Variants in VPS13B observed in about 807,000 individuals in gnomAD.
VPS13B encodes the protein intermembrane lipid transfer protein VPS13B.
VPS13B carries 285 observed loss-of-function variants against 426.4 expected under a neutral mutation model. The observed-to-expected ratio is 0.67, with a 90% CI of 0.61 to 0.74. VPS13B has a LOEUF of 0.74. VPS13B is among the 30% of genes least tolerant of loss of function. The pLI is 0.00. For synonymous variants in VPS13B, 1,676 were observed against 1,676.4 expected, an observed-to-expected ratio of 1.00 and a Z score of 0.01; for missense variants, 4,537 against 4,782.6, an observed-to-expected ratio of 0.95 and a Z score of 1.51.
chr8:99,497,287 TAAA>T (rs1050445532), intron 25 of VPS13B, among the ~76,000 whole-genome samples: 1 of 144,368 alleles, frequency 6.9e-6, no homozygotes, highest in Admixed American at 7.1e-5. Context: ...TATATATACA[TAAA>T]AATGCATATA....
chr8:99,393,956 A>G (rs569849373), intron 21 of VPS13B, among the ~76,000 whole-genome samples: 6 of 152,250 alleles, frequency 3.9e-5, no homozygotes, highest in Admixed American at 3.9e-4. Context: ...GTTATCAATC[A>G]CTGTTTTAAT....
rs1386338109 is a variant in VPS13B at position 99,823,856 on chromosome 8, A to G, written c.9208A>G (p.Met3070Val). 3 of 1,613,696 alleles carry G rather than the reference A, an allele frequency of 1.9e-6. No individual in the cohort carries two copies. The highest frequency in any genetic ancestry group is 1.7e-4 in the Middle Eastern group (1 of 6,028). The change falls in exon 51 of 62, where the codon ATG (methionine) becomes GTG (valine). Residue 3070 changes from methionine to valine, a missense_variant. Transcript: ENST00000357162. ...QKLCQFCISSMVQQGIQIIQI... is the reference protein window; with the variant it reads ...QKLCQFCISSVVQQGIQIIQI... ...GTTATGTCAGTTCTGCATTTCCTCC[A>G]TGGTACAGCAAGGTATACAAATTAT...
At chr8:99,044,871 C>T (rs1843144722) in intron 3 of VPS13B, among the ~76,000 whole-genome samples, 1 of 149,998 alleles carries the variant, frequency 6.7e-6, no homozygotes, top group Admixed American at 6.6e-5. Context: ...CACACACACA[C>T]ACACACACAC....
chr8:99,684,092 T>A (rs1330022457), intron 35 of VPS13B, among the ~76,000 whole-genome samples: 1 of 152,242 alleles, frequency 6.6e-6, no homozygotes, highest in African/African-American at 2.4e-5. Flanking sequence ...GTATCTTTGT[T>A]ATTGTTGTAA....
intron 3 of VPS13B, among the ~76,000 whole-genome samples, chr8:99,063,259 GGCGGGGCGTCGCCTCAC>G (rs1844293666): frequency 6.6e-6 from 1 of 152,240 alleles, no homozygotes; most frequent in Non-Finnish European, 1.5e-5. Context: ...GCCGAAGCAG[GGCGGGGCGTCGCCTCAC>G]CCGGGAAGTG....
chr8:99,136,600 CA>C (rs760491882), intron 11 of VPS13B, 64 bp from the exon 12 acceptor site: 26 of 1,519,120 alleles, frequency 1.7e-5, no homozygotes, highest in Non-Finnish European at 2.4e-5. Flanking sequence ...TCTAACCTAT[CA>C]AGCTTTAAAC....
rs1296839691 is a variant in VPS13B, at chr8:99,835,430, A to T, written c.9742+106A>T. ...TCCTGTGAAAAAAATATTTAAATAA[A>T]AGCATTAATGATCTCTTTTTGAGAA... On this transcript the variant is annotated intron_variant, in intron 53 of 61. Transcript: ENST00000357162. The T allele has an allele frequency of 2.0e-6, 3 of 1,497,190 alleles. No homozygotes were observed. The African/African-American group carries it at 4.2e-5, about 21-fold the overall frequency. 92.7% of individuals were successfully genotyped at this position (1,497,190 alleles called of 1,614,324 possible).
intron 19 of VPS13B, among the ~76,000 whole-genome samples, chr8:99,288,042 A>C (rs1819539291): frequency 6.6e-6 from 1 of 152,076 alleles, no homozygotes; most frequent in Non-Finnish European, 1.5e-5. Flanking sequence ...CTTATTTATG[A>C]TAATCACAAA....
intron 56 of VPS13B, among the ~76,000 whole-genome samples, chr8:99,856,174 A>G (rs1337340742): frequency 1.3e-5 from 2 of 152,214 alleles, no homozygotes; most frequent in Non-Finnish European, 2.9e-5. Context: ...AGAACATTCT[A>G]TTTGAATTTT....
intron 25 of VPS13B, among the ~76,000 whole-genome samples, chr8:99,490,522 A>G (rs997593534): frequency 1.3e-5 from 2 of 152,118 alleles, no homozygotes; most frequent in African/African-American, 2.4e-5. Flanking sequence ...CTGTGTATCC[A>G]TCTGGTCCTG....
chr8:99,475,617 T>C (rs898973193), intron 24 of VPS13B, among the ~76,000 whole-genome samples: 5 of 152,254 alleles, frequency 3.3e-5, no homozygotes, highest in African/African-American at 7.2e-5. Flanking sequence ...ATTCTCTAGC[T>C]ATCCACATTG....
intron 34 of VPS13B, among the ~76,000 whole-genome samples, chr8:99,656,158 C>T (rs1033084677): frequency 3.3e-5 from 5 of 152,106 alleles, no homozygotes; most frequent in Admixed American, 6.5e-5. Context: ...GAGACCTGGT[C>T]AACCCAGAAG....
At chr8:99,506,319 T>A (rs1026198148) in intron 27 of VPS13B, among the ~76,000 whole-genome samples, 113 of 152,324 alleles carry the variant, frequency 7.4e-4, no homozygotes, top group African/African-American at 2.6e-3. Context: ...AACTCTTTAG[T>A]TCCTTTGAAA....
chr8:99,415,707 A>G (rs1013550156), intron 21 of VPS13B, among the ~76,000 whole-genome samples: 4 of 152,018 alleles, frequency 2.6e-5, no homozygotes, highest in Admixed American at 2.6e-4. Context: ...CTGGAGGTTC[A>G]CTCCAGAACC....
intron 31 of VPS13B, among the ~76,000 whole-genome samples, chr8:99,557,698 T>C (rs1420002117): frequency 1.3e-5 from 2 of 152,186 alleles, no homozygotes; most frequent in African/African-American, 2.4e-5. Context: ...GTTCTACTTT[T>C]AGTTCTTTAA....
chr8:99,355,238 T>A (rs1360774440), intron 19 of VPS13B, among the ~76,000 whole-genome samples: 1 of 152,158 alleles, frequency 6.6e-6, no homozygotes, highest in African/African-American at 2.4e-5. Flanking sequence ...GCCATTCCCC[T>A]ATTAAAGCCC....
chr8:99,774,487 A>G (rs183557783), intron 40 of VPS13B, among the ~76,000 whole-genome samples: 149 of 152,332 alleles, frequency 9.8e-4, no homozygotes, highest in African/African-American at 3.4e-3. Context: ...CTTTTGTAAT[A>G]TGTTATAATA....
rs200780866 is a variant in VPS13B at position 99,630,407 on chromosome 8, A to T, written c.5221-11404A>T. Among the ~76,000 whole-genome samples the T allele has an allele frequency of 7.2e-5, 11 of 152,114 alleles. No homozygotes were observed. The East Asian group carries it at 2.1e-3, about 29-fold the overall frequency. ...TCTCTACTGCCATTTCAACAAGTCCAAATCCTGGCTTCTTTCTGTCCTGGT... is the reference window on the plus strand; with the variant it reads ...TCTCTACTGCCATTTCAACAAGTCCTAATCCTGGCTTCTTTCTGTCCTGGT... On this transcript the variant is annotated intron_variant, in intron 33 of 61. Coordinates refer to ENST00000357162, the MANE Select transcript of VPS13B (RefSeq NM_152564.5).
chr8:99,196,114 G>A (rs1029147774), intron 17 of VPS13B, among the ~76,000 whole-genome samples: 8 of 151,934 alleles, frequency 5.3e-5, no homozygotes, highest in African/African-American at 1.7e-4. Flanking sequence ...GATAGGGGTC[G>A]CATTGAATTT....
Sources: allele counts gnomAD v4.1 joint callset (sites outside exome capture counted in the v4.1 genomes callset), GRCh38; gene constraint gnomAD v4.1.1; transcripts MANE v1.5; gene names NCBI Gene and HGNC (gene_info 2026-07-23, HGNC 2026-07-21).